The following RALYL variants were observed in gnomAD, a reference collection of about 807,000 sequenced individuals.
RALYL encodes RNA-binding Raly-like protein.
Under a neutral mutation model 35.1 loss-of-function variants are expected in RALYL, and 29 were observed. That is an observed-to-expected ratio of 0.83 (90% CI 0.61 to 1.13). RALYL has a LOEUF of 1.13. Among genes scored for constraint, RALYL ranks in the 50% most tolerant of loss-of-function variants. The pLI is 0.00. For missense variants in RALYL, 359 were observed against 360.4 expected (o/e 1.00, Z 0.03); for synonymous variants, 120 against 127.6 (o/e 0.94, Z 0.40).
intron 1 of RALYL, among the ~76,000 whole-genome samples, chr8:84,473,342 T>A (rs2053020843): frequency 6.6e-6 from 1 of 151,534 alleles, no homozygotes; most frequent in African/African-American, 2.4e-5. Context: ...AATATTGATT[T>A]ATTAGATTTA....
intron 1 of RALYL, among the ~76,000 whole-genome samples, chr8:84,446,610 A>G (rs1007895400): frequency 6.6e-6 from 1 of 152,086 alleles, no homozygotes; most frequent in Admixed American, 6.6e-5. Flanking sequence ...CTCTGCATGA[A>G]CACATCTGTA....
chr8:84,621,705 G>T (rs1294561623), intron 2 of RALYL, among the ~76,000 whole-genome samples: 6 of 152,088 alleles, frequency 3.9e-5, no homozygotes, highest in South Asian at 2.1e-4. Context: ...TTACTTCAAG[G>T]TTTCCTATCC....
chr8:84,390,427 C>T, intron 1 of RALYL, among the ~76,000 whole-genome samples: 1 of 152,060 alleles, frequency 6.6e-6, no homozygotes, highest in Non-Finnish European at 1.5e-5. Flanking sequence ...GTACCAATTC[C>T]TCCTTGTACC....
intron 7 of RALYL, among the ~76,000 whole-genome samples, chr8:84,877,688 C>T (rs1273957884): frequency 5.9e-5 from 9 of 152,050 alleles, no homozygotes; most frequent in African/African-American, 2.2e-4. Context: ...TCAACAGTTC[C>T]TTTAGTTGCT....
At chr8:84,627,073 T>A (rs1451822673) in intron 2 of RALYL, among the ~76,000 whole-genome samples, 1 of 152,118 alleles carries the variant, frequency 6.6e-6, no homozygotes, top group Non-Finnish European at 1.5e-5. Flanking sequence ...TAACAATGTA[T>A]CTTCAATTTA....
intron 2 of RALYL, among the ~76,000 whole-genome samples, chr8:84,688,173 A>C (rs1275608014): frequency 1.3e-5 from 2 of 151,914 alleles, no homozygotes; most frequent in East Asian, 3.9e-4. Flanking sequence ...ACAATGCTGG[A>C]TAAGACTTGC....
chr8:84,686,868 A>G (rs929112832), intron 2 of RALYL, among the ~76,000 whole-genome samples: 1 of 152,196 alleles, frequency 6.6e-6, no homozygotes, highest in Non-Finnish European at 1.5e-5. Context: ...CATTTTATAT[A>G]TGTGCCTTTC....
At chr8:84,610,530 G>C (rs1004100084) in intron 2 of RALYL, among the ~76,000 whole-genome samples, 2 of 152,094 alleles carry the variant, frequency 1.3e-5, no homozygotes, top group African/African-American at 4.8e-5. Flanking sequence ...GTGTTTGTCA[G>C]ATTTTTCCAC....
chr8:84,440,674 G>T (rs2048233971), intron 1 of RALYL, among the ~76,000 whole-genome samples: 3 of 151,932 alleles, frequency 2.0e-5, no homozygotes, highest in Admixed American at 2.0e-4. Flanking sequence ...TTTGTTCCTT[G>T]TTCCACATAT....
chr8:84,563,520 G>T lies in RALYL; in HGVS notation c.256+33943G>T, dbSNP rs139626802. ...TTAGAAGAACCAGTAGTTTGGGGCA[G>T]ATTTAGAGCCTTTAGTGTAAGCAAA... On this transcript the variant is annotated intron_variant, in intron 2 of 8. Coordinates refer to ENST00000521268, the MANE Select transcript of RALYL (RefSeq NM_173848.7). Among the ~76,000 whole-genome samples, 54 of 151,376 alleles carry T rather than the reference G, an allele frequency of 3.6e-4. 1 individual carries two copies. The East Asian group carries it at 8.2e-3, about 23-fold the overall frequency.
chr8:84,842,802 G>C (rs1306133874), intron 4 of RALYL, among the ~76,000 whole-genome samples: 1 of 152,124 alleles, frequency 6.6e-6, no homozygotes, highest in Non-Finnish European at 1.5e-5. Flanking sequence ...TGGGATGCAA[G>C]GCTGGTTCAA....
rs559166253 is a variant in RALYL at position 84,468,431 on chromosome 8, G to A, written c.-23-60868G>A. On this transcript the variant is annotated intron_variant, in intron 1 of 8. Coordinates refer to ENST00000521268, the MANE Select transcript of RALYL (RefSeq NM_173848.7). ...TTAGTTTGGCTGGATATGAAATTCTGGGTTCAAAATTCTTTTCTTTAAGAA... is the reference window on the plus strand; with the variant it reads ...TTAGTTTGGCTGGATATGAAATTCTAGGTTCAAAATTCTTTTCTTTAAGAA... 7.9e-4 allele frequency among the ~76,000 whole-genome samples: 119 copies of A among 150,658 alleles called. 1 individual carries two copies. The Middle Eastern group carries it at 0.014, about 17-fold the overall frequency.
intron 1 of RALYL, among the ~76,000 whole-genome samples, chr8:84,193,814 T>C (rs1225803759): frequency 6.6e-6 from 1 of 152,146 alleles, no homozygotes; most frequent in Non-Finnish European, 1.5e-5. Context: ...AGGAAACAGT[T>C]GAGGATTACT....
chr8:84,906,581 A>G (rs1846533484), intron 8 of RALYL, among the ~76,000 whole-genome samples: 1 of 152,120 alleles, frequency 6.6e-6, no homozygotes, highest in Admixed American at 6.6e-5. Flanking sequence ...TTTCTTCCCC[A>G]ACTTTTTTCA....
intron 2 of RALYL, among the ~76,000 whole-genome samples, chr8:84,571,682 A>G (rs930636015): frequency 2.0e-5 from 3 of 151,210 alleles, no homozygotes; most frequent in African/African-American, 7.3e-5. Context: ...CTGTTTTTCC[A>G]GTTTCTTAAG....
chr8:84,588,950 T>A (rs1300074664), intron 2 of RALYL, among the ~76,000 whole-genome samples: 1 of 151,930 alleles, frequency 6.6e-6, no homozygotes, highest in Non-Finnish European at 1.5e-5. Flanking sequence ...CCAGGTGGAG[T>A]GCAATGGCAT....
intron 1 of RALYL, among the ~76,000 whole-genome samples, chr8:84,467,140 C>A (rs1291824787): frequency 8.5e-5 from 13 of 152,086 alleles, no homozygotes; most frequent in Admixed American, 5.9e-4. Flanking sequence ...GTCACTATTT[C>A]CTTCAGTTCT....
chr8:84,702,731 CTT>C (rs1840430047), intron 2 of RALYL, among the ~76,000 whole-genome samples: 1 of 151,794 alleles, frequency 6.6e-6, no homozygotes, highest in Non-Finnish European at 1.5e-5. Flanking sequence ...ATCTTATAGG[CTT>C]TTATTTCTAC....
chr8:84,220,387 A>G (rs1821905895), intron 1 of RALYL, among the ~76,000 whole-genome samples: 1 of 152,024 alleles, frequency 6.6e-6, no homozygotes, highest in African/African-American at 2.4e-5. Flanking sequence ...ACATGGTGAA[A>G]TATGGTATAT....
Sources: allele counts gnomAD v4.1 joint callset (sites outside exome capture counted in the v4.1 genomes callset), GRCh38; gene constraint gnomAD v4.1.1; transcripts MANE v1.5; gene names NCBI Gene and HGNC (gene_info 2026-07-23, HGNC 2026-07-21).